SLC9A7: variants seen among roughly 807,000 people sequenced by gnomAD.
The protein encoded by SLC9A7 is solute carrier family 9 member A7, also known as sodium/hydrogen exchanger 7.
SLC9A7 carries 19 observed loss-of-function variants against 52.6 expected under a neutral mutation model. That is an observed-to-expected ratio of 0.36 (90% CI 0.25 to 0.53). SLC9A7 has a LOEUF of 0.53. Among genes scored for constraint, SLC9A7 ranks in the 20% least tolerant of loss-of-function variants. The probability of loss-of-function intolerance (pLI) is 0.91; values close to 1 mark genes in which losing one functional copy is unlikely to be tolerated. For synonymous variants in SLC9A7, 226 were observed against 252.1 expected, an observed-to-expected ratio of 0.90 and a Z score of 0.98; for missense variants, 455 against 597.9, an observed-to-expected ratio of 0.76 and a Z score of 2.49.
intron 1 of SLC9A7, among the ~76,000 whole-genome samples, chrX:46,732,627 T>C (rs1945062388): frequency 1.8e-5 from 2 of 111,197 alleles, no homozygotes; most frequent in African/African-American, 6.6e-5. Flanking sequence ...CACTTTCATA[T>C]ATTGTGGAGG....
intron 11 of SLC9A7, among the ~76,000 whole-genome samples, chrX:46,647,916 C>G (rs767834025): frequency 1.4e-3 from 162 of 112,568 alleles, no homozygotes; most frequent in African/African-American, 4.9e-3. Context: ...CCTTTTGCAA[C>G]TAACTTCTCC....
At chrX:46,652,316 A>G (rs776718619) in intron 8 of SLC9A7, among the ~76,000 whole-genome samples, 9 of 110,499 alleles carry the variant, frequency 8.1e-5, no homozygotes, top group Non-Finnish European at 1.5e-4. Context: ...ACACCCAGCT[A>G]ATTTTTGTAT....
At chrX:46,667,952 C>A (rs1014578732) in intron 5 of SLC9A7, among the ~76,000 whole-genome samples, 1 of 111,880 alleles carries the variant, frequency 8.9e-6, no homozygotes, top group African/African-American at 3.2e-5. Context: ...ATTGGTTCAA[C>A]CAACACTTGA....
At chrX:46,735,292 C>T (rs762449973) in intron 1 of SLC9A7, among the ~76,000 whole-genome samples, 1 of 110,501 alleles carries the variant, frequency 9.0e-6, no homozygotes, top group African/African-American at 3.3e-5. Context: ...ATTATTTATA[C>T]CTCTTTTTAA....
chrX:46,668,376 G>A (rs542321671), intron 5 of SLC9A7, among the ~76,000 whole-genome samples: 1 of 111,455 alleles, frequency 9.0e-6, no homozygotes, highest in South Asian at 3.8e-4. Flanking sequence ...GCCGGGCATG[G>A]TGGTGCATGC....
chrX:46,625,698 A>G (rs1299682773), intron 14 of SLC9A7, among the ~76,000 whole-genome samples: 1 of 99,836 alleles, frequency 1.0e-5, no homozygotes, highest in Non-Finnish European at 2.0e-5. Flanking sequence ...CAATAGAGCA[A>G]GACTGTCTCT....
chrX:46,743,187 A>G (rs1411383994), intron 1 of SLC9A7, among the ~76,000 whole-genome samples: 1 of 112,416 alleles, frequency 8.9e-6, no homozygotes, highest in Non-Finnish European at 1.9e-5. Flanking sequence ...AAAAGTTAAT[A>G]TAACAGGCCT....
At chrX:46,723,330 G>GA (rs1203589836) in intron 1 of SLC9A7, among the ~76,000 whole-genome samples, 7 of 94,306 alleles carry the variant, frequency 7.4e-5, no homozygotes, top group South Asian at 4.8e-4. Context: ...AAGAAAGAAA[G>GA]AAAAAAAACA....
intron 1 of SLC9A7, among the ~76,000 whole-genome samples, chrX:46,749,391 A>C (rs1445560384): frequency 8.9e-6 from 1 of 111,811 alleles, no homozygotes; most frequent in African/African-American, 3.3e-5. Flanking sequence ...AAAGCTCTCC[A>C]GAAGATTCTG....
chrX:46,689,151 C>T lies in SLC9A7; in HGVS notation c.326-6616G>A, dbSNP rs140540630. ...TTGTACTATCTCTTCACACTGATAC[C>T]TTCATCCTACATATTAACCCCAGCA... On this transcript the variant is annotated intron_variant, in intron 1 of 16. Coordinates refer to ENST00000616978, the MANE Select transcript of SLC9A7 (RefSeq NM_001257291.2). 1.9e-3 allele frequency among the ~76,000 whole-genome samples: 212 copies of T among 111,976 alleles called. 1 individual carries two copies. Among genetic ancestry groups the T allele is most frequent in the Non-Finnish European group, 1.2e-3 (62 of 53,158 alleles).
intron 14 of SLC9A7, among the ~76,000 whole-genome samples, chrX:46,628,545 T>C (rs190020065): frequency 1.5e-4 from 17 of 112,649 alleles, no homozygotes; most frequent in East Asian, 1.4e-3. Context: ...CATGAGCTAA[T>C]ATTCTGTAGC....
intron 1 of SLC9A7, chrX:46,725,267 A>G: frequency 8.8e-7 from 1 of 1,137,903 alleles, no homozygotes; most frequent in Non-Finnish European, 1.2e-6. Context: ...ATGCTGTCTC[A>G]TACAAATAAG....
intron 1 of SLC9A7, among the ~76,000 whole-genome samples, chrX:46,709,020 T>C (rs771245639): frequency 3.6e-5 from 4 of 110,792 alleles, no homozygotes; most frequent in Admixed American, 9.6e-5. Context: ...ATGTTGTAAG[T>C]GGTAAGGAGG....
At chrX:46,733,520 A>T (rs1945075670) in intron 1 of SLC9A7, among the ~76,000 whole-genome samples, 1 of 112,178 alleles carries the variant, frequency 8.9e-6, no homozygotes, top group Admixed American at 9.5e-5. Context: ...AAAAAGACAT[A>T]AAACTGAATT....
chrX:46,632,283 A>G (rs1943234428), intron 13 of SLC9A7, among the ~76,000 whole-genome samples: 2 of 112,040 alleles, frequency 1.8e-5, no homozygotes, highest in African/African-American at 6.5e-5. Context: ...TCCTTGACCA[A>G]ACTTTAGTCA....
At chrX:46,653,468 G>C in intron 8 of SLC9A7, 141 bp downstream of exon 8, 1 of 415,200 alleles carries the variant, frequency 2.4e-6, no homozygotes, top group Non-Finnish European at 4.2e-6. Flanking sequence ...CAATAGCCTT[G>C]CTCAGCAATC....
At position 46,607,096 on chromosome X, in the gene SLC9A7, C is replaced by G. The variant is rs776602385; in HGVS notation, c.2037G>C (p.Ser679=). 8.3e-7 allele frequency: 1 copy of G among 1,209,416 alleles called. No homozygotes were observed. Among genetic ancestry groups the G allele is most frequent in the Non-Finnish European group, 1.1e-6 (1 of 895,021 alleles). ...STVTANGSSS[S]HTASTSLEGS... is the part of the protein sequence containing the mutation. ...CCTCCAGACTCGTGGAGGCGGTGTG[C>G]GAACTTGAGGAGCCATTTGCAGTCA... Residue 679 remains serine (S), a synonymous_variant, in exon 17 of 17, where the codon TCG becomes TCC. Transcript: ENST00000616978.
chrX:46,738,087 GAA>G (rs1569525265), intron 1 of SLC9A7, among the ~76,000 whole-genome samples: 4 of 67,870 alleles, frequency 5.9e-5, no homozygotes, highest in African/African-American at 1.2e-4. Flanking sequence ...AAGAAAGAAA[GAA>G]AGAAAGAAAG....
At chrX:46,703,799 T>A (rs1014367632) in intron 1 of SLC9A7, among the ~76,000 whole-genome samples, 4 of 111,799 alleles carry the variant, frequency 3.6e-5, no homozygotes, top group African/African-American at 1.3e-4. Context: ...ACAAGTTGCA[T>A]AACATGTTAC....
Sources: allele counts gnomAD v4.1 joint callset (sites outside exome capture counted in the v4.1 genomes callset), GRCh38; gene constraint gnomAD v4.1.1; transcripts MANE v1.5; gene names NCBI Gene and HGNC (gene_info 2026-07-23, HGNC 2026-07-21).